Variants in IQCJ observed in about 807,000 individuals in gnomAD.
IQCJ encodes IQ motif containing J, also known as IQ domain-containing protein J.
Under a neutral mutation model 11.0 loss-of-function variants are expected in IQCJ, and 9 were observed. That is an observed-to-expected ratio of 0.82 (90% confidence interval 0.49 to 1.43). The LOEUF (loss-of-function observed/expected upper bound fraction) is 1.43, where lower values mean the gene tolerates loss of function less well. Ranked by LOEUF, IQCJ falls within the 40% of genes most tolerant of loss-of-function variation. The pLI is 0.00. For synonymous variants in IQCJ, 55 were observed against 51.3 expected, an observed-to-expected ratio of 1.07 and a Z score of -0.31; for missense variants, 146 against 133.2, an observed-to-expected ratio of 1.10 and a Z score of -0.47.
chr3:159,139,370 A>G (rs889554195), intron 1 of IQCJ, among the ~76,000 whole-genome samples: 7 of 152,182 alleles, frequency 4.6e-5, no homozygotes, highest in Non-Finnish European at 7.4e-5. Flanking sequence ...GCATATTGTT[A>G]GCCTGTTTGC....
At chr3:159,182,754 G>A (rs1303050619) in intron 1 of IQCJ, among the ~76,000 whole-genome samples, 5 of 150,326 alleles carry the variant, frequency 3.3e-5, no homozygotes, top group African/African-American at 1.2e-4. Flanking sequence ...ATTAGGTCAG[G>A]GGTCAATCTT....
At chr3:159,257,822 ACTGTCTCCATCCTGTTTCT>A (rs1416248297) in intron 3 of IQCJ, among the ~76,000 whole-genome samples, 1 of 152,202 alleles carries the variant, frequency 6.6e-6, no homozygotes, top group East Asian at 1.9e-4. Flanking sequence ...AGCCAAACCC[ACTGTCTCCATCCTGTTTCT>A]CTATTTCTGC....
intron 1 of IQCJ, among the ~76,000 whole-genome samples, chr3:159,234,494 G>C (rs938882096): frequency 7.2e-5 from 11 of 152,106 alleles, no homozygotes; most frequent in Admixed American, 7.2e-4. Flanking sequence ...TAGTGTTTAT[G>C]AGCAGAAGAG....
At chr3:159,111,096 C>T (rs978241962) in intron 1 of IQCJ, among the ~76,000 whole-genome samples, 1 of 152,176 alleles carries the variant, frequency 6.6e-6, no homozygotes, top group Non-Finnish European at 1.5e-5. Context: ...TGCTGATGCT[C>T]CCACGTTTTA....
intron 1 of IQCJ, among the ~76,000 whole-genome samples, chr3:159,119,440 G>A (rs1158174383): frequency 2.6e-5 from 4 of 152,096 alleles, no homozygotes; most frequent in Non-Finnish European, 4.4e-5. Flanking sequence ...CAGTTTAAAC[G>A]GTCCACAAAT....
At chr3:159,111,962 G>A (rs57842221) in intron 1 of IQCJ, among the ~76,000 whole-genome samples, 21 of 151,064 alleles carry the variant, frequency 1.4e-4, no homozygotes, top group Non-Finnish European at 1.0e-4. Flanking sequence ...TTTTTTCCCC[G>A]CAATTGTCTG....
chr3:159,165,788 ATTTTTT>A (rs35878681), intron 1 of IQCJ, among the ~76,000 whole-genome samples: 4 of 106,522 alleles, frequency 3.8e-5, no homozygotes, highest in African/African-American at 1.4e-4. Context: ...TAATTTTTGT[ATTTTTT>A]TTTTTTTTTT....
intron 1 of IQCJ, among the ~76,000 whole-genome samples, chr3:159,079,071 G>T (rs764548871): frequency 2.6e-5 from 4 of 152,090 alleles, no homozygotes; most frequent in South Asian, 2.1e-4. Context: ...GCCAGGAGCT[G>T]CATTCCAGAG....
chr3:159,214,784 T>G (rs1296893801), intron 1 of IQCJ, among the ~76,000 whole-genome samples: 2 of 152,234 alleles, frequency 1.3e-5, no homozygotes, highest in Non-Finnish European at 2.9e-5. Context: ...TATCTATGAC[T>G]ATTTGTTCTT....
At chr3:159,146,752 G>T (rs935353354) in intron 1 of IQCJ, among the ~76,000 whole-genome samples, 4 of 152,100 alleles carry the variant, frequency 2.6e-5, no homozygotes, top group Admixed American at 6.6e-5. Flanking sequence ...GTAAATAAAA[G>T]CTTCAGAATA....
At chr3:159,148,780 A>AT (rs901708016) in intron 1 of IQCJ, among the ~76,000 whole-genome samples, 7 of 152,214 alleles carry the variant, frequency 4.6e-5, no homozygotes, top group East Asian at 1.9e-4. Flanking sequence ...TAAAAGATGG[A>AT]TTTTTTTTAA....
chr3:159,156,228 G>A (rs1006335681), intron 1 of IQCJ, among the ~76,000 whole-genome samples: 6 of 152,180 alleles, frequency 3.9e-5, no homozygotes, highest in African/African-American at 1.2e-4. Context: ...ACTAGATCCT[G>A]TTCTGGAGGA....
chr3:159,190,714 G>C (rs1723636345), intron 1 of IQCJ, among the ~76,000 whole-genome samples: 1 of 152,208 alleles, frequency 6.6e-6, no homozygotes, highest in African/African-American at 2.4e-5. Flanking sequence ...CTGTGTCCCG[G>C]TTCTAGCTTC....
At chr3:159,197,784 C>T (rs1200343478) in intron 1 of IQCJ, among the ~76,000 whole-genome samples, 1 of 151,310 alleles carries the variant, frequency 6.6e-6, no homozygotes, top group Non-Finnish European at 1.5e-5. Context: ...CAAGTAAGCA[C>T]ATTGTTACCT....
chr3:159,114,732 A>G (rs1405195216), intron 1 of IQCJ, among the ~76,000 whole-genome samples: 2 of 152,160 alleles, frequency 1.3e-5, no homozygotes, highest in Non-Finnish European at 2.9e-5. Flanking sequence ...TGCTCTGCGC[A>G]TCTGCCACAA....
At chr3:159,189,633 C>T (rs949665580) in intron 1 of IQCJ, among the ~76,000 whole-genome samples, 4 of 152,174 alleles carry the variant, frequency 2.6e-5, no homozygotes, top group Non-Finnish European at 5.9e-5. Context: ...ATACTCCCAC[C>T]CACCACAGCA....
At chr3:159,152,660 G>T (rs907429205) in intron 1 of IQCJ, among the ~76,000 whole-genome samples, 1 of 152,138 alleles carries the variant, frequency 6.6e-6, no homozygotes, top group African/African-American at 2.4e-5. Flanking sequence ...ACTATGCCTA[G>T]GTTATTGTGT....
chr3:159,144,693 G>A (rs1021779994), intron 1 of IQCJ, among the ~76,000 whole-genome samples: 4 of 147,008 alleles, frequency 2.7e-5, no homozygotes, highest in African/African-American at 1.1e-4. Flanking sequence ...CACACACAGA[G>A]TTCCTGCTGC....
chr3:159,089,747 T>G (rs1175230197), intron 1 of IQCJ, among the ~76,000 whole-genome samples: 1 of 151,748 alleles, frequency 6.6e-6, no homozygotes, highest in Admixed American at 6.6e-5. Flanking sequence ...TACGTAGTTC[T>G]AGAGCCTTGG....
Sources: gnomAD v4.1 joint callset for allele counts (sites outside exome capture counted in the v4.1 genomes callset) on GRCh38, gnomAD v4.1.1 for gene constraint, MANE v1.5 for transcripts, NCBI Gene and HGNC (gene_info 2026-07-23, HGNC 2026-07-21) for gene names.